Variants in TBC1D10A observed in about 807,000 individuals in gnomAD.
TBC1D10A encodes the protein EBP50-PDX interactor of 64 kDa.
Under a neutral mutation model 52.9 loss-of-function variants are expected in TBC1D10A, and 24 were observed. The observed-to-expected ratio is 0.45, with a 90% CI of 0.33 to 0.64. TBC1D10A has a LOEUF of 0.64. TBC1D10A is among the 30% of genes least tolerant of loss of function. The probability of loss-of-function intolerance (pLI) is 0.02; values close to 1 mark genes in which losing one functional copy is unlikely to be tolerated. For missense variants in TBC1D10A, 602 were observed against 687.9 expected, an observed-to-expected ratio of 0.88 and a Z score of 1.40; for synonymous variants, 278 against 282.9, an observed-to-expected ratio of 0.98 and a Z score of 0.17.
chr22:30,312,797 C>G (rs1216757913), intron 1 of TBC1D10A, among the ~76,000 whole-genome samples: 1 of 152,192 alleles, frequency 6.6e-6, no homozygotes, highest in African/African-American at 2.4e-5. Context: ...ACTCCAGGGA[C>G]AGAACACAAT....
At chr22:30,314,201 CTG>C (rs1202530506) in intron 1 of TBC1D10A, among the ~76,000 whole-genome samples, 1 of 152,246 alleles carries the variant, frequency 6.6e-6, no homozygotes, top group Non-Finnish European at 1.5e-5. Context: ...ATCTCTCCCT[CTG>C]TCACTCAACT....
intron 2 of TBC1D10A, chr22:30,300,374 AG>A (rs1334279669): frequency 6.6e-6 from 1 of 151,424 alleles, no homozygotes; most frequent in East Asian, 2.0e-4. Context: ...GCTTGAACCC[AG>A]GAGGTGGAGG....
intron 2 of TBC1D10A, among the ~76,000 whole-genome samples, chr22:30,304,108 A>G (rs1960022570): frequency 6.6e-6 from 1 of 152,218 alleles, no homozygotes; most frequent in African/African-American, 2.4e-5. Flanking sequence ...TACTACTATT[A>G]CTAACCTCAC....
chr22:30,299,743 G>C, intron 2 of TBC1D10A, 192 bp from the exon 3 acceptor site: 1 of 471,840 alleles, frequency 2.1e-6, no homozygotes, highest in South Asian at 2.2e-5. Context: ...GAGGCGGGTG[G>C]ATCACCTGAG....
chr22:30,292,282 T>C lies in TBC1D10A; in HGVS notation c.*93A>G. The C allele has an allele frequency of 8.5e-7, 1 of 1,179,398 alleles. No individual in the cohort carries two copies. The highest frequency in any genetic ancestry group is 1.2e-6 in the Non-Finnish European group (1 of 848,826). The allele number at this position is 1,179,398 out of a possible 1,614,324, so 73.1% of individuals were successfully genotyped here. On this transcript the variant is annotated 3_prime_UTR_variant, in exon 9 of 9. Transcript: ENST00000215790. ...CAGCCCAGCCCAGTGGCCAGGCAGC[T>C]TGGCCCTCAGAGGGTGGGCAGGATG...
intron 1 of TBC1D10A, among the ~76,000 whole-genome samples, chr22:30,308,315 CATG>C (rs1930356834): frequency 2.1e-5 from 3 of 141,042 alleles, no homozygotes; most frequent in East Asian, 2.0e-4. Flanking sequence ...TGCCTGCCTG[CATG>C]CCTGCATGCC....
intron 1 of TBC1D10A, among the ~76,000 whole-genome samples, chr22:30,320,207 G>A (rs778575077): frequency 6.6e-6 from 1 of 152,174 alleles, no homozygotes; most frequent in Admixed American, 6.5e-5. Flanking sequence ...AATGCAATCC[G>A]GACTCTGGCC....
intron 3 of TBC1D10A, 43 bp from the exon 4 acceptor site, chr22:30,295,886 TG>T: frequency 1.3e-6 from 2 of 1,560,438 alleles, no homozygotes; most frequent in African/African-American, 1.4e-5. Context: ...AGGATGGAGG[TG>T]GGCTTTGCTG....
intron 1 of TBC1D10A, among the ~76,000 whole-genome samples, chr22:30,311,689 C>T (rs1309662963): frequency 6.6e-6 from 1 of 152,160 alleles, no homozygotes; most frequent in Non-Finnish European, 1.5e-5. Flanking sequence ...TAGCACTAGC[C>T]TTGCTGGCTC....
In TBC1D10A at chr22:30,295,906, C is replaced by CGGCT. The variant is rs879098078; in HGVS notation, c.418-67_418-64dup. The CGGCT allele has an allele frequency of 4.8e-6, 7 of 1,469,204 alleles. No homozygotes were observed. In the South Asian group the frequency reaches 7.5e-5, roughly 16 times the overall value. The allele number at this position is 1,469,204 out of a possible 1,614,324, so 91.0% of individuals were successfully genotyped here. On this transcript the variant is annotated intron_variant, in intron 3 of 8. Transcript: ENST00000215790. ...GGAGGTGGGCTTTGCTGACAGGACA[C>CGGCT]GGCTGCCCAGGGATTAGGGGAGGGG...
chr22:30,300,755 C>T (rs9619096), intron 2 of TBC1D10A: 1 of 152,134 alleles, frequency 6.6e-6, no homozygotes, highest in Non-Finnish European at 1.5e-5. Context: ...CCACTCTCCT[C>T]TCGTTGACCC....
intron 1 of TBC1D10A, chr22:30,318,862 C>CA (rs1248737578): frequency 5.3e-6 from 2 of 374,366 alleles, no homozygotes; most frequent in Middle Eastern, 3.8e-4. Flanking sequence ...TTATGCAACA[C>CA]AGGAGGCCTC....
chr22:30,308,284 A>ATGCCTGCC lies in TBC1D10A; in HGVS notation c.210-3655_210-3654insGGCAGGCA, dbSNP rs1555973979. On this transcript the variant is annotated intron_variant, in intron 1 of 8. Coordinates refer to ENST00000215790, the MANE Select transcript of TBC1D10A (RefSeq NM_031937.3). ...AGCCCTCAGCCTCCACACAGCCTGC[A>ATGCCTGCC]TGCCTGCATGCCTGCATGCCTGCCT... Among the ~76,000 whole-genome samples, 84 of 119,742 alleles carry ATGCCTGCC rather than the reference A, an allele frequency of 7.0e-4. No individual in the cohort carries two copies. The East Asian group carries it at 0.014, about 21-fold the overall frequency. 78.6% of individuals were successfully genotyped at this position (119,742 alleles called of 152,430 possible).
intron 1 of TBC1D10A, among the ~76,000 whole-genome samples, chr22:30,324,827 A>G (rs1351191278): frequency 6.6e-6 from 1 of 152,202 alleles, no homozygotes; most frequent in Non-Finnish European, 1.5e-5. Flanking sequence ...GATCTTGCCC[A>G]AGGTCACAAA....
At chr22:30,304,341 A>G (rs1003653435) in intron 2 of TBC1D10A, among the ~76,000 whole-genome samples, 190 bp downstream of exon 2, 1 of 152,164 alleles carries the variant, frequency 6.6e-6, no homozygotes, top group Non-Finnish European at 1.5e-5. Context: ...ATCTGAAGTC[A>G]TTGTGTTAGG....
At chr22:30,320,776 G>C (rs1930635911) in intron 1 of TBC1D10A, among the ~76,000 whole-genome samples, 1 of 152,222 alleles carries the variant, frequency 6.6e-6, no homozygotes, top group Non-Finnish European at 1.5e-5. Flanking sequence ...CACCTACCCT[G>C]TATTATTAGT....
intron 8 of TBC1D10A, 191 bp from the exon 9 acceptor site, chr22:30,293,042 C>T (rs1330980640): frequency 6.2e-6 from 4 of 642,076 alleles, no homozygotes; most frequent in Non-Finnish European, 1.1e-5. Flanking sequence ...GTGAGCTGGA[C>T]ACTTGAGACC....
At chr22:30,293,485 T>C in intron 8 of TBC1D10A, 166 bp downstream of exon 8, 1 of 1,046,170 alleles carries the variant, frequency 9.6e-7, no homozygotes, top group Non-Finnish European at 1.4e-6. Context: ...TGCCCCATGC[T>C]CTTCACCAGA....
rs1241972061 is a variant in TBC1D10A, at chr22:30,292,861, C to T, written c.1051-10G>A. The T allele has an allele frequency of 6.2e-7, 1 of 1,610,436 alleles. No individual in the cohort carries two copies. The highest frequency in any genetic ancestry group is 8.5e-7 in the Non-Finnish European group (1 of 1,179,738). ...CGGGCAACTCCACCACCTGCAGGGGCAGTGACACAGGCAAGTGGACACCAA... is the reference window on the plus strand; with the variant it reads ...CGGGCAACTCCACCACCTGCAGGGGTAGTGACACAGGCAAGTGGACACCAA... On this transcript the variant is annotated splice_polypyrimidine_tract_variant and intron_variant, in intron 8 of 8. Coordinates refer to ENST00000215790, the MANE Select transcript of TBC1D10A (RefSeq NM_031937.3).
Sources: allele counts gnomAD v4.1 joint callset (sites outside exome capture counted in the v4.1 genomes callset), GRCh38; gene constraint gnomAD v4.1.1; transcripts MANE v1.5; gene names NCBI Gene and HGNC (gene_info 2026-07-23, HGNC 2026-07-21).